KANSL3: variants seen among roughly 807,000 people sequenced by gnomAD.
KANSL3 encodes the protein NSL complex protein NSL3.
A neutral mutation model predicts 89.2 loss-of-function variants in KANSL3; 16 were observed. The observed-to-expected ratio is 0.18, with a 90% CI of 0.12 to 0.27. KANSL3 has a LOEUF of 0.27. KANSL3 is among the 10% of genes least tolerant of loss of function. The pLI is 1.00. For missense variants in KANSL3, 879 were observed against 1,110.6 expected, an observed-to-expected ratio of 0.79 and a Z score of 2.96; for synonymous variants, 385 against 419.7, an observed-to-expected ratio of 0.92 and a Z score of 1.01.
intron 9 of KANSL3, among the ~76,000 whole-genome samples, chr2:96,611,903 A>ATATGTGTATGTGTGTGTGTGTG: frequency 8.8e-6 from 1 of 113,304 alleles, no homozygotes; most frequent in Non-Finnish European, 1.7e-5. Flanking sequence ...ATATACCCAT[A>ATATGTGTATGTGTGTGTGTGTG]TGTGTGTGTG....
At chr2:96,623,687 A>T (rs2071749948) in intron 3 of KANSL3, among the ~76,000 whole-genome samples, 1 of 152,174 alleles carries the variant, frequency 6.6e-6, no homozygotes. Context: ...GTTCTATCCC[A>T]CCCTCTAATA....
rs1354220078 is a variant in KANSL3, at chr2:96,607,829, T to C, written c.1741+679A>G. ...CCAGGCACCCCTATTCCTGAAAAGC[T>C]CAGGTGACATGCTCCTGGACACATC... On this transcript the variant is annotated intron_variant, in intron 14 of 20. Transcript: ENST00000431828. Among the ~76,000 whole-genome samples, 3 of 152,026 alleles carry C rather than the reference T, an allele frequency of 2.0e-5. No homozygotes were observed. The South Asian group carries it at 6.2e-4, about 32-fold the overall frequency.
At chr2:96,628,623 T>G (rs2106083708) in intron 3 of KANSL3, 1 of 154,798 alleles carries the variant, frequency 6.5e-6, no homozygotes, top group East Asian at 1.9e-4. Context: ...GCCACTGCAC[T>G]GCAGTCTGGG....
At position 96,608,640 on chromosome 2, in the gene KANSL3, G is replaced by A; in HGVS notation, c.1609C>T (p.Pro537Ser). 5.6e-6 allele frequency: 9 copies of A among 1,614,038 alleles called. No homozygotes were observed. ...SEDLSSVSSS[P>S]TSSPKTKVTT... ...ACTTTGGTCTTGGGACTGGAGGTGG[G>A]GCTGCTGGACACACTGGAGAGATCC... The change falls in exon 14 of 21, where the codon CCC becomes TCC. Residue 537 changes from proline to serine, a missense_variant. Around this residue, in one of 6 missense-constraint regions of KANSL3, gnomAD observed 317 missense variants for 311.2 expected, o/e 1.02. Coordinates refer to ENST00000431828, the MANE Select transcript of KANSL3 (RefSeq NM_001115016.3).
At chr2:96,581,590 T>A in the KANSL3 span, among the ~76,000 whole-genome samples, 8 of 152,182 alleles carry the variant, frequency 5.3e-5, no homozygotes, top group Non-Finnish European at 8.8e-5. Context: ...CCTTACCCCA[T>A]CCTCATATTG....
chr2:96,601,822 C>T (rs1464200222), intron 19 of KANSL3, 46 bp from the exon 20 acceptor site: 1 of 1,511,712 alleles, frequency 6.6e-7, no homozygotes, highest in Non-Finnish European at 8.8e-7. Flanking sequence ...ACACTCTCCA[C>T]CTTCTACTGA....
At chr2:96,628,666 A>T (rs2072844560) in intron 3 of KANSL3, 1 of 152,898 alleles carries the variant, frequency 6.5e-6, no homozygotes, top group Admixed American at 6.5e-5. Flanking sequence ...AAAAAAAAGA[A>T]AAAAGAAACA....
At chr2:96,601,867 AAC>A in intron 19 of KANSL3, 91 bp from the exon 20 acceptor site, 1 of 1,458,800 alleles carries the variant, frequency 6.9e-7, no homozygotes, top group Non-Finnish European at 9.1e-7. Flanking sequence ...TCCCCCACAT[AAC>A]ACAGTCCCTT....
intron 14 of KANSL3, 122 bp from the exon 15 acceptor site, chr2:96,605,633 G>T: frequency 1.3e-6 from 1 of 778,498 alleles, no homozygotes; most frequent in Non-Finnish European, 2.1e-6. Context: ...ACCACTCTAC[G>T]TACAGGGCCA....
intron 14 of KANSL3, among the ~76,000 whole-genome samples, chr2:96,607,647 T>C (rs973797740): frequency 1.3e-5 from 2 of 152,170 alleles, no homozygotes; most frequent in Non-Finnish European, 2.9e-5. Flanking sequence ...TTCTACTCCT[T>C]GTTAGTACTA....
intron 20 of KANSL3, chr2:96,599,769 TTAAG>T (rs1204824908): frequency 1.5e-5 from 5 of 328,074 alleles, no homozygotes; most frequent in Non-Finnish European, 2.0e-5. Context: ...ATAAAACTTC[TTAAG>T]TAATCAGGAA....
chr2:96,627,885 T>A lies in KANSL3; in HGVS notation c.386+3427A>T, dbSNP rs1199850427. On this transcript the variant is annotated intron_variant, in intron 3 of 20. Transcript: ENST00000431828. Reference sequence around the variant, plus strand: ...TGAAACTGAAACTAATAAGTTATCATAAATAATAAAATCGGCTATGTACAA... The same window carrying A: ...TGAAACTGAAACTAATAAGTTATCAAAAATAATAAAATCGGCTATGTACAA... 2.3e-6 allele frequency: 3 copies of A among 1,286,260 alleles called. No individual in the cohort carries two copies. The African/African-American group carries it at 4.6e-5, about 20-fold the overall frequency. 79.7% of individuals were successfully genotyped at this position (1,286,260 alleles called of 1,614,324 possible). A position where few individuals can be genotyped will look rare whatever the true frequency, so the allele number is the denominator to read the frequency against.
intron 12 of KANSL3, 113 bp from the exon 13 acceptor site, chr2:96,609,177 GC>G: frequency 1.0e-6 from 1 of 969,710 alleles, no homozygotes; most frequent in Non-Finnish European, 1.5e-6. Context: ...ATCCGCATGT[GC>G]CAGTCCTTCC....
rs2066451956 is a variant in KANSL3, at chr2:96,595,498, C to T, written c.*113G>A. ...TTGGCGGAGAGGCAAAAATGACTGTCTTAAACAGGTCTTCCGACACGTGGA... is the reference window on the plus strand; with the variant it reads ...TTGGCGGAGAGGCAAAAATGACTGTTTTAAACAGGTCTTCCGACACGTGGA... On this transcript the variant is annotated 3_prime_UTR_variant, in exon 21 of 21. Transcript: ENST00000431828. The T allele has an allele frequency of 6.9e-6, 8 of 1,166,820 alleles. No homozygotes were observed. Among genetic ancestry groups the T allele is most frequent in the Non-Finnish European group, 9.9e-6 (8 of 807,758 alleles). 72.3% of individuals were successfully genotyped at this position (1,166,820 alleles called of 1,614,324 possible).
At chr2:96,614,809 GA>G in intron 5 of KANSL3, among the ~76,000 whole-genome samples, 1 of 147,576 alleles carries the variant, frequency 6.8e-6, no homozygotes, top group Admixed American at 6.7e-5. Context: ...AAGAAAAAAA[GA>G]AAAAAATTAT....
chr2:96,588,298 T>C (rs187616575), downstream of KANSL3, among the ~76,000 whole-genome samples: 744 of 152,288 alleles, frequency 4.9e-3, 2 homozygotes, highest in Non-Finnish European at 8.5e-3. Context: ...TGAATGACAC[T>C]GAATATCTCA....
At chr2:96,591,806 T>C (rs1297117889), downstream of KANSL3, among the ~76,000 whole-genome samples, 7 of 152,014 alleles carry the variant, frequency 4.6e-5, no homozygotes, top group Admixed American at 2.6e-4. Flanking sequence ...CCTGTGACAA[T>C]AGGATCAAAA....
chr2:96,584,879 G>A, the KANSL3 span, among the ~76,000 whole-genome samples: 10 of 152,132 alleles, frequency 6.6e-5, no homozygotes, highest in South Asian at 4.1e-4. Context: ...AGCTGTGTAT[G>A]CCTGAGAACA....
the KANSL3 span, among the ~76,000 whole-genome samples, chr2:96,580,909 G>A: frequency 6.6e-6 from 1 of 152,344 alleles, no homozygotes; most frequent in Middle Eastern, 3.4e-3. Flanking sequence ...CAGAGAAGCA[G>A]TAGCAAGAAC....
Sources: gnomAD v4.1 joint callset for allele counts (sites outside exome capture counted in the v4.1 genomes callset) on GRCh38, gnomAD v4.1.1 for gene constraint, gnomAD v4.1.1 regional missense constraint, MANE v1.5 for transcripts, NCBI Gene and HGNC (gene_info 2026-07-23, HGNC 2026-07-21) for gene names.